The following CHI3L1 variants were observed in gnomAD, a reference collection of about 807,000 sequenced individuals.
The protein encoded by CHI3L1 is chitinase-3-like protein 1.
A neutral mutation model predicts 40.7 loss-of-function variants in CHI3L1; 30 were observed. That is an observed-to-expected ratio of 0.74 (90% CI 0.55 to 1.00). The LOEUF is 1.00. Among genes scored for constraint, CHI3L1 ranks in the 50% least tolerant of loss-of-function variants. The pLI is 0.00. For missense variants in CHI3L1, 493 were observed against 492.2 expected, an observed-to-expected ratio of 1.00 and a Z score of -0.01; for synonymous variants, 210 against 192.1, an observed-to-expected ratio of 1.09 and a Z score of -0.77.
In CHI3L1 at chr1:203,185,365, A is replaced by G; in HGVS notation, c.76T>C (p.Cys26Arg). Residue 26 changes from cysteine (C) to arginine (R), a missense_variant, in exon 3 of 10, where the codon TGC becomes CGC. Coordinates refer to ENST00000255409, the MANE Select transcript of CHI3L1 (RefSeq NM_001276.4). ...LQCCSAYKLV[C>R]YYTSWSQYRE... ...TACTGGGACCAGCTGGTGTAGTAGC[A>G]GACCAGTTTGTATGCAGAGCCTGAA... 2.5e-6 allele frequency: 4 copies of G among 1,614,138 alleles called. No homozygotes were observed. The highest frequency in any genetic ancestry group is 3.4e-6 in the Non-Finnish European group (4 of 1,180,038).
At chr1:203,180,714 A>G (rs925213811) in intron 7 of CHI3L1, 62 bp from the exon 8 acceptor site, 3 of 1,260,122 alleles carry the variant, frequency 2.4e-6, no homozygotes, top group Admixed American at 4.9e-5. Flanking sequence ...AGGTTGAGCA[A>G]TTAATACTGC....
Position 203,185,327 on chromosome 1 carries a change from A to T in CHI3L1, c.114T>A (p.Asp38Glu), listed in dbSNP as rs1034590553. ...YTSWSQYREG[D>E]GSCFPDALDR... ...CAAGGGCATCTGGGAAGCAGCTCCC[A>T]TCGCCTTCCCGGTACTGGGACCAGC... Residue 38 changes from aspartate to glutamate, a missense_variant, in exon 3 of 10, where the codon GAT (aspartate) becomes GAA (glutamate). Asp to Glu is a conservative substitution (Grantham distance 45, BLOSUM62 2). Coordinates refer to ENST00000255409, the MANE Select transcript of CHI3L1 (RefSeq NM_001276.4). 6.2e-7 allele frequency: 1 copy of T among 1,614,202 alleles called. No individual in the cohort carries two copies. Among genetic ancestry groups the T allele is most frequent in the Admixed American group, 1.7e-5 (1 of 60,034 alleles).
Position 203,181,241 on chromosome 1 carries a change from G to C in CHI3L1, c.632C>G (p.Ala211Gly), listed in dbSNP as rs747195921. ...GTGATGGCCTGTGGTCCCACGCCAG[G>C]CTCCATGAAAATCGTAGGTCATGAT... is the stretch of plus-strand genomic sequence containing the variant. ...ISIMTYDFHG[A>G]WRGTTGHHSP... Residue 211 changes from alanine to glycine, a missense_variant, in exon 7 of 10, where the codon GCC (alanine) becomes GGC (glycine). Coordinates refer to ENST00000255409, the MANE Select transcript of CHI3L1 (RefSeq NM_001276.4). The C allele has an allele frequency of 1.2e-6, 2 of 1,613,932 alleles. No homozygotes were observed. The highest frequency in any genetic ancestry group is 1.7e-5 in the Admixed American group (1 of 60,000).
Position 203,179,358 on chromosome 1 carries a change from G to T in CHI3L1, c.*87C>A. On this transcript the variant is annotated 3_prime_UTR_variant, in exon 10 of 10. Coordinates refer to ENST00000255409, the MANE Select transcript of CHI3L1 (RefSeq NM_001276.4). ...AGACTGAGGCTCAGCCTGGGACTCA[G>T]CAGGGCAGGTGATCAGGCTCCCGGC... is the stretch of plus-strand genomic sequence containing the variant. 8.1e-7 allele frequency: 1 copy of T among 1,232,224 alleles called. No individual in the cohort carries two copies. Among genetic ancestry groups the T allele is most frequent in the Non-Finnish European group, 1.1e-6 (1 of 878,070 alleles). 76.3% of individuals were successfully genotyped at this position (1,232,224 alleles called of 1,614,324 possible).
chr1:203,185,228 C>T lies in CHI3L1; in HGVS notation c.213G>A (p.Trp71Ter), dbSNP rs191933826. The T allele has an allele frequency of 3.7e-5, 59 of 1,614,160 alleles. No individual in the cohort carries two copies. The East Asian group carries it at 1.1e-3, about 30-fold the overall frequency. ...ISNDHIDTWE[W>*]NDVTLYGMLN... ...GCATGCCGTAGAGCGTCACATCATTCCACTCCCAGGTGTCGATGTGATCGT... is the reference window on the plus strand; with the variant it reads ...GCATGCCGTAGAGCGTCACATCATTTCACTCCCAGGTGTCGATGTGATCGT... Residue 71 changes from tryptophan (W) to a stop codon, truncating the protein, a stop_gained, in exon 3 of 10, where the codon TGG (tryptophan) becomes TGA (stop). Transcript: ENST00000255409. LOFTEE classifies it high-confidence loss of function.
At chr1:203,183,875 A>C in intron 4 of CHI3L1, 84 bp from the exon 5 acceptor site, 1 of 1,491,770 alleles carries the variant, frequency 6.7e-7, no homozygotes, top group Non-Finnish European at 9.3e-7. Context: ...CAGGACCTGC[A>C]GAGCTGGGAT....
chr1:203,183,688 G>A lies in CHI3L1; in HGVS notation c.418C>T (p.Leu140Phe). Reference sequence around the variant, plus strand: ...TGTTTGTCTCTCCGTCCAGGGTAGAGCCAGGCAAGGTCCAGCCCATCAAAG... The same window carrying A: ...TGTTTGTCTCTCCGTCCAGGGTAGAACCAGGCAAGGTCCAGCCCATCAAAG... ...HGFDGLDLAWLYPGRRDKQHF... is the reference protein window; with the variant it reads ...HGFDGLDLAWFYPGRRDKQHF... The change falls in exon 5 of 10, where the codon CTC becomes TTC. Residue 140 changes from leucine (L) to phenylalanine (F), a missense_variant. Leu to Phe is a conservative substitution (Grantham distance 22). Transcript: ENST00000255409. 6.2e-7 allele frequency: 1 copy of A among 1,614,198 alleles called. No individual in the cohort carries two copies. The highest frequency in any genetic ancestry group is 8.5e-7 in the Non-Finnish European group (1 of 1,180,032).
chr1:203,179,691 G>C (rs764113488), intron 9 of CHI3L1, 70 bp downstream of exon 9: 1 of 1,614,018 alleles, frequency 6.2e-7, no homozygotes, highest in Admixed American at 1.7e-5. Flanking sequence ...CAAGGGACAG[G>C]AATCTGGCTG....
intron 1 of CHI3L1, 61 bp downstream of exon 1, chr1:203,186,538 C>A (rs981966013): frequency 1.6e-5 from 25 of 1,606,112 alleles, no homozygotes; most frequent in Non-Finnish European, 2.0e-5. Context: ...GATGGCTCTG[C>A]GGGCTGTCTG....
At chr1:203,185,142 A>AGG in intron 3 of CHI3L1, 42 bp downstream of exon 3, 1 of 1,579,328 alleles carries the variant, frequency 6.3e-7, no homozygotes. Context: ...CCCTGGGACC[A>AGG]GCCCAGCTGG....
intron 5 of CHI3L1, 37 bp downstream of exon 5, chr1:203,183,604 T>C (rs775390043): frequency 1.9e-6 from 3 of 1,610,900 alleles, no homozygotes; most frequent in Non-Finnish European, 2.5e-6. Flanking sequence ...CCCTCATGCC[T>C]GCCCACCTCC....
At position 203,179,446 on chromosome 1, in the gene CHI3L1, T is replaced by G. The variant is rs1029881372; in HGVS notation, c.1151A>C (p.Ter384SerextTer30). 2 of 1,533,968 alleles carry G rather than the reference T, an allele frequency of 1.3e-6. No individual in the cohort carries two copies. The highest frequency in any genetic ancestry group is 1.8e-6 in the Non-Finnish European group (2 of 1,139,906). Residue 384 changes from the stop codon to serine, a stop_lost, in exon 10 of 10, where the codon TAG becomes TCG. Coordinates refer to ENST00000255409, the MANE Select transcript of CHI3L1 (RefSeq NM_001276.4). ...CCGTGCTGTGTGCAGAACAGAGGGCTACGTTGCAGCGAGTGCATCCTTGAT... is the reference window on the plus strand; with the variant it reads ...CCGTGCTGTGTGCAGAACAGAGGGCGACGTTGCAGCGAGTGCATCCTTGAT... ...NAIKDALAAT[*>S]
chr1:203,185,201 G>C lies in CHI3L1; in HGVS notation c.240C>G (p.Leu80=). ...GGCCCAACCTGTTCTTGAGTGTGTT[G>C]AGCATGCCGTAGAGCGTCACATCAT... ...EWNDVTLYGM[L]NTLKNRNPNL... The change falls in exon 3 of 10, where the codon CTC becomes CTG. Residue 80 remains leucine, a synonymous_variant. Transcript: ENST00000255409. 1 of 1,614,008 alleles carries C rather than the reference G, an allele frequency of 6.2e-7. No individual in the cohort carries two copies. Among genetic ancestry groups the C allele is most frequent in the Non-Finnish European group, 8.5e-7 (1 of 1,179,966 alleles).
At chr1:203,181,084 G>A (rs1655926705) in intron 7 of CHI3L1, 78 bp downstream of exon 7, 1 of 1,567,226 alleles carries the variant, frequency 6.4e-7, no homozygotes, top group East Asian at 2.3e-5. Flanking sequence ...CTGAGGGCTA[G>A]AGAGATTGGT....
intron 3 of CHI3L1, 119 bp downstream of exon 3, chr1:203,185,065 C>T (rs982865353): frequency 1.2e-6 from 1 of 818,402 alleles, no homozygotes; most frequent in East Asian, 2.4e-5. Context: ...AGCCAAGCCC[C>T]TCTAACTCTC....
In CHI3L1 at chr1:203,179,026, G is replaced by A. The variant is rs1025543021; in HGVS notation, c.*419C>T. On this transcript the variant is annotated 3_prime_UTR_variant, in exon 10 of 10. Transcript: ENST00000255409. ...TTACGTTCCTAAGTGAAGGTTTCAA[G>A]CTGGGCTTTGCAGGGGGTATAATTA... 6.3e-6 allele frequency: 1 copy of A among 159,916 alleles called. No homozygotes were observed. The highest frequency in any genetic ancestry group is 2.4e-5 in the African/African-American group (1 of 41,602). 9.9% of individuals were successfully genotyped at this position (159,916 alleles called of 1,614,324 possible). A position where few individuals can be genotyped will look rare whatever the true frequency, so the allele number is the denominator to read the frequency against.
At chr1:203,181,112 T>A in intron 7 of CHI3L1, 50 bp downstream of exon 7, 1 of 1,604,944 alleles carries the variant, frequency 6.2e-7, no homozygotes. Context: ...CACTGGCAGA[T>A]GGCAGGTCTT....
Position 203,181,299 on chromosome 1 carries a change from G to A in CHI3L1, c.588-14C>T. 6.2e-7 allele frequency: 1 copy of A among 1,613,160 alleles called. No homozygotes were observed. Among genetic ancestry groups the A allele is most frequent in the Non-Finnish European group, 8.5e-7 (1 of 1,179,472 alleles). On this transcript the variant is annotated splice_polypyrimidine_tract_variant and intron_variant, in intron 6 of 9. Transcript: ENST00000255409. ...AAATCCAGGTGTCTGAGGAGGAAGG[G>A]GATGGAGGGTGAGGCAGGAAATTAT...
At position 203,186,610 on chromosome 1, in the gene CHI3L1, G is replaced by C. The variant is rs372997557; in HGVS notation, c.14C>G (p.Ala5Gly). The C allele has an allele frequency of 2.5e-6, 4 of 1,613,988 alleles. No individual in the cohort carries two copies. The highest frequency in any genetic ancestry group is 3.4e-6 in the Non-Finnish European group (4 of 1,180,026). The part of the protein sequence containing the change: MGVK[A>G]SQTGFVVLVL... ...GCTAGCCCAGATACCTGTTTGAGACGCCTTCACACCCATTCTGGCTGCAGC... is the reference window on the plus strand; with the variant it reads ...GCTAGCCCAGATACCTGTTTGAGACCCCTTCACACCCATTCTGGCTGCAGC... The change falls in exon 1 of 10, where the codon GCG (alanine) becomes GGG (glycine). Residue 5 changes from alanine (A) to glycine (G), a missense_variant. Transcript: ENST00000255409.
Sources: allele counts gnomAD v4.1 joint callset, GRCh38; gene constraint gnomAD v4.1.1; transcripts MANE v1.5; gene names NCBI Gene and HGNC (gene_info 2026-07-23, HGNC 2026-07-21).